The following TGIF1 variants were observed in gnomAD, a reference collection of about 807,000 sequenced individuals.
TGIF1 encodes homeobox protein TGIF1.
Under a neutral mutation model 19.3 loss-of-function variants are expected in TGIF1, and 4 were observed. The observed-to-expected ratio is 0.21, with a 90% confidence interval of 0.10 to 0.47. TGIF1 has a LOEUF of 0.47. TGIF1 is among the 20% of genes least tolerant of loss of function. TGIF1 has a pLI of 0.98. For missense variants in TGIF1, 275 were observed against 341.4 expected, an observed-to-expected ratio of 0.81 and a Z score of 1.53; for synonymous variants, 122 against 129.3, an observed-to-expected ratio of 0.94 and a Z score of 0.38.
upstream of TGIF1, chr18:3,448,718 T>TTA: frequency 4.1e-4 from 10 of 24,660 alleles, no homozygotes; most frequent in South Asian, 9.9e-4. Flanking sequence ...CGGGGGTGTC[T>TTA]TTTTTTTTTT....
chr18:3,438,596 A>C (rs7226405), intron 2 of TGIF1, among the ~76,000 whole-genome samples: 17 of 135,996 alleles, frequency 1.3e-4, no homozygotes, highest in Non-Finnish European at 2.0e-4. Context: ...CATACACACA[A>C]ACACACACAC....
At chr18:3,413,062 A>G (rs921463596) in intron 1 of TGIF1, 1 of 152,334 alleles carries the variant, frequency 6.6e-6, no homozygotes, top group East Asian at 1.9e-4. Flanking sequence ...ATGAGATAAT[A>G]TATTGAATGT....
chr18:3,425,004 T>A (rs2082448995), intron 2 of TGIF1, among the ~76,000 whole-genome samples: 1 of 152,224 alleles, frequency 6.6e-6, no homozygotes, highest in Non-Finnish European at 1.5e-5. Flanking sequence ...ATCAAACCTG[T>A]GGAAGGGCCA....
upstream of TGIF1, chr18:3,447,870 T>C: frequency 1.2e-5 from 19 of 1,579,996 alleles, 1 homozygote; most frequent in Non-Finnish European, 1.7e-5. Flanking sequence ...CCCTCCCCCC[T>C]TCTCCTGGAA....
chr18:3,439,746 C>T (rs191815552), intron 2 of TGIF1, among the ~76,000 whole-genome samples: 123 of 152,020 alleles, frequency 8.1e-4, no homozygotes, highest in African/African-American at 2.8e-3. Flanking sequence ...TGGGGCCAGG[C>T]GTGGCACCTC....
At chr18:3,432,189 T>G (rs1161192668) in intron 2 of TGIF1, among the ~76,000 whole-genome samples, 2 of 149,962 alleles carry the variant, frequency 1.3e-5, no homozygotes, top group Non-Finnish European at 1.5e-5. Context: ...TTGTGATATA[T>G]CTGTCCAAAA....
intron 2 of TGIF1, among the ~76,000 whole-genome samples, chr18:3,437,352 C>T (rs2082627293): frequency 6.6e-6 from 1 of 152,054 alleles, no homozygotes; most frequent in African/African-American, 2.4e-5. Context: ...TTGTTTCTAG[C>T]TTAGGCCACC....
At chr18:3,441,357 A>G (rs532463148) in intron 2 of TGIF1, among the ~76,000 whole-genome samples, 39 of 152,144 alleles carry the variant, frequency 2.6e-4, no homozygotes, top group East Asian at 1.3e-3. Context: ...GGCCTTCCCC[A>G]CTCCAAGATC....
intron 2 of TGIF1, among the ~76,000 whole-genome samples, chr18:3,426,691 A>G (rs1389977021): frequency 6.6e-6 from 1 of 152,208 alleles, no homozygotes; most frequent in Non-Finnish European, 1.5e-5. Context: ...ATTTGGCAAT[A>G]TCTAACAAAG....
At chr18:3,419,643 A>G (rs1415102796) in intron 2 of TGIF1, among the ~76,000 whole-genome samples, 1 of 152,194 alleles carries the variant, frequency 6.6e-6, no homozygotes, top group Non-Finnish European at 1.5e-5. Context: ...TCTAATTTCC[A>G]TCACTGGACT....
At chr18:3,450,823 GTGGCTTCTCGCTCTTTCT>G (rs2082892431) in intron 1 of TGIF1, among the ~76,000 whole-genome samples, 4 of 152,148 alleles carry the variant, frequency 2.6e-5, no homozygotes, top group Admixed American at 2.6e-4. Context: ...CAGCCGCCGC[GTGGCTTCTCGCTCTTTCT>G]CGCGTGCTGG....
At chr18:3,425,948 G>C (rs1451394830) in intron 2 of TGIF1, among the ~76,000 whole-genome samples, 1 of 151,954 alleles carries the variant, frequency 6.6e-6, no homozygotes, top group Non-Finnish European at 1.5e-5. Flanking sequence ...CAGGAAACCC[G>C]CACCATCCCC....
intron 2 of TGIF1, among the ~76,000 whole-genome samples, chr18:3,422,804 C>T (rs1435950092): frequency 1.3e-5 from 2 of 150,110 alleles, no homozygotes; most frequent in Non-Finnish European, 3.0e-5. Context: ...CATTCTCCTG[C>T]CTCAGCCTCC....
chr18:3,420,599 G>A (rs954340568), intron 2 of TGIF1, among the ~76,000 whole-genome samples: 3 of 152,034 alleles, frequency 2.0e-5, no homozygotes, highest in Admixed American at 1.3e-4. Context: ...CCAACTATAC[G>A]TTGTTTACAA....
chr18:3,444,794 A>G (rs2082720063), intron 2 of TGIF1, among the ~76,000 whole-genome samples: 1 of 152,246 alleles, frequency 6.6e-6, no homozygotes, highest in Non-Finnish European at 1.5e-5. Flanking sequence ...ATGAACATAC[A>G]TTTGAGTGGG....
At position 3,458,189 on chromosome 18, in the gene TGIF1, TC is replaced by T; in HGVS notation, c.*252del. On this transcript the variant is annotated 3_prime_UTR_variant, in exon 3 of 3. Transcript: ENST00000343820. ...TAGATTATTCATAATGTGAGATGGTTCCCAATATCATGTGATTTTTTTTTTC... is the reference window on the plus strand; with the variant it reads ...TAGATTATTCATAATGTGAGATGGTTCCAATATCATGTGATTTTTTTTTTC... The T allele has an allele frequency of 2.1e-6, 1 of 478,942 alleles. No individual in the cohort carries two copies. Among genetic ancestry groups the T allele is most frequent in the Non-Finnish European group, 3.7e-6 (1 of 273,668 alleles). 29.7% of individuals were successfully genotyped at this position (478,942 alleles called of 1,614,324 possible).
rs2082611154 is a variant in TGIF1, at chr18:3,436,072, C to A, written c.-45+17857C>A. Among the ~76,000 whole-genome samples the A allele has an allele frequency of 2.0e-5, 3 of 152,198 alleles. No homozygotes were observed. The South Asian group carries it at 6.2e-4, about 32-fold the overall frequency. On this transcript the variant is annotated intron_variant, in intron 2 of 3. Coordinates refer to the TGIF1 transcript ENST00000401449. ...TCCCAAGCTACTCATTTTTTCTCTT[C>A]CTCTGAACGCCTGAGCACGTTCCTC...
In TGIF1 at chr18:3,453,847, T is replaced by C. The variant is rs985259880; in HGVS notation, c.17-2507T>C. On this transcript the variant is annotated intron_variant, in intron 1 of 2. Coordinates refer to ENST00000343820, the MANE Select transcript of TGIF1 (RefSeq NM_003244.4). ...GCCCCCACCCTCCCCACCGCCACAT[T>C]TTTTAAAGTGTAAGCAAAGCAAGAC... The C allele has an allele frequency of 5.1e-6, 5 of 985,146 alleles. No individual in the cohort carries two copies. In the East Asian group the frequency reaches 5.7e-4, roughly 112 times the overall value. The allele number at this position is 985,146 out of a possible 1,614,324, so 61.0% of individuals were successfully genotyped here.
chr18:3,453,810 G>C, intron 1 of TGIF1: 7 of 985,134 alleles, frequency 7.1e-6, no homozygotes, highest in Non-Finnish European at 8.4e-6. Flanking sequence ...CGTGAAAGAA[G>C]CTTGTGATCC....
Sources: gnomAD v4.1 joint callset for allele counts (sites outside exome capture counted in the v4.1 genomes callset) on GRCh38, gnomAD v4.1.1 for gene constraint, MANE v1.5 for transcripts, NCBI Gene and HGNC (gene_info 2026-07-23, HGNC 2026-07-21) for gene names.